Variants in TNFRSF19 observed in about 807,000 individuals in gnomAD.
TNFRSF19 encodes the protein TNF receptor superfamily member 19.
A neutral mutation model predicts 46.4 loss-of-function variants in TNFRSF19; 27 were observed. The observed-to-expected ratio is 0.58, with a 90% CI of 0.43 to 0.80. The LOEUF (loss-of-function observed/expected upper bound fraction) is 0.80. Among genes scored for constraint, TNFRSF19 ranks in the 30% least tolerant of loss-of-function variants. The probability of loss-of-function intolerance (pLI) is 0.00; values close to 1 mark genes in which losing one functional copy is unlikely to be tolerated. For missense variants in TNFRSF19, 511 were observed against 530.8 expected, an observed-to-expected ratio of 0.96 and a Z score of 0.37; for synonymous variants, 204 against 205.0, an observed-to-expected ratio of 1.00 and a Z score of 0.04.
chr13:23,602,214 A>G (rs1880208496), intron 3 of TNFRSF19, among the ~76,000 whole-genome samples: 2 of 152,306 alleles, frequency 1.3e-5, no homozygotes, highest in East Asian at 3.9e-4. Context: ...GAGCAGGAGT[A>G]GCTATATTAA....
intron 5 of TNFRSF19, among the ~76,000 whole-genome samples, chr13:23,647,553 C>T (rs1883405535): frequency 6.6e-6 from 1 of 151,984 alleles, no homozygotes; most frequent in African/African-American, 2.4e-5. Context: ...CAGGTGACAC[C>T]ACCATGCCCA....
rs1951796735 is a variant in TNFRSF19, at chr13:23,674,296, G to T, written c.*916G>T. 6.6e-6 allele frequency: 1 copy of T among 152,156 alleles called. No individual in the cohort carries two copies. The allele number at this position is 152,156 out of a possible 1,614,324, so 9.4% of individuals were successfully genotyped here. ...TACTTGCATTGTATCTTATACTAAA[G>T]GCTTTAGAAATTACAACATATCAGG... On this transcript the variant is annotated 3_prime_UTR_variant, in exon 10 of 10. Transcript: ENST00000248484.
In TNFRSF19 at chr13:23,628,767, G is replaced by GTA. The variant is rs140729064; in HGVS notation, c.445+1988_445+1989dup. On this transcript the variant is annotated intron_variant, in intron 5 of 9. Transcript: ENST00000248484. ...AGTATTTTAAAAAGAAAATTAACCA[G>GTA]TATATATATATATACATATATATGT... Among the ~76,000 whole-genome samples, 264 of 150,562 alleles carry GTA rather than the reference G, an allele frequency of 1.8e-3. No individual in the cohort carries two copies. The East Asian group carries it at 0.022, about 12-fold the overall frequency.
At chr13:23,580,126 A>G (rs916523959) in intron 1 of TNFRSF19, among the ~76,000 whole-genome samples, 3 of 152,232 alleles carry the variant, frequency 2.0e-5, no homozygotes, top group Non-Finnish European at 2.9e-5. Flanking sequence ...CAATGCGTGT[A>G]ATGCCATCTC....
intron 6 of TNFRSF19, 125 bp from the exon 7 acceptor site, chr13:23,660,240 A>G: frequency 1.0e-6 from 1 of 967,536 alleles, no homozygotes; most frequent in Non-Finnish European, 1.5e-6. Flanking sequence ...GCTTCCATGT[A>G]AGAAGAAGTC....
At chr13:23,634,896 AG>A (rs1882578037) in intron 5 of TNFRSF19, among the ~76,000 whole-genome samples, 1 of 152,010 alleles carries the variant, frequency 6.6e-6, no homozygotes, top group Non-Finnish European at 1.5e-5. Flanking sequence ...GCCACTTCCT[AG>A]GGGGTTTACT....
intron 3 of TNFRSF19, among the ~76,000 whole-genome samples, chr13:23,598,665 G>A (rs976767751): frequency 2.0e-5 from 3 of 152,192 alleles, no homozygotes; most frequent in African/African-American, 7.2e-5. Context: ...CTAAGAAACT[G>A]TGTGTTAGTG....
chr13:23,594,040 A>G (rs1057380061), intron 3 of TNFRSF19, among the ~76,000 whole-genome samples: 14 of 152,138 alleles, frequency 9.2e-5, no homozygotes, highest in South Asian at 8.3e-4. Flanking sequence ...GCCTTGAGGG[A>G]CTGTGCCATG....
At chr13:23,670,361 G>A (rs1275445148) in intron 9 of TNFRSF19, among the ~76,000 whole-genome samples, 1 of 152,128 alleles carries the variant, frequency 6.6e-6, no homozygotes, top group Non-Finnish European at 1.5e-5. Context: ...ACTTTTAGGG[G>A]ATTCTATAGA....
chr13:23,605,278 AAATCCAG>A (rs1398508683), intron 3 of TNFRSF19, among the ~76,000 whole-genome samples: 2 of 152,170 alleles, frequency 1.3e-5, no homozygotes, highest in African/African-American at 2.4e-5. Flanking sequence ...CACCTATTAG[AAATCCAG>A]AATCCAGAAT....
intron 1 of TNFRSF19, among the ~76,000 whole-genome samples, chr13:23,583,057 T>A (rs1443417674): frequency 6.6e-6 from 1 of 152,240 alleles, no homozygotes; most frequent in Non-Finnish European, 1.5e-5. Flanking sequence ...AAAGTTTACT[T>A]TCCAAAATAT....
chr13:23,667,557 A>G (rs1951663281), intron 7 of TNFRSF19, among the ~76,000 whole-genome samples: 1 of 152,202 alleles, frequency 6.6e-6, no homozygotes, highest in Non-Finnish European at 1.5e-5. Flanking sequence ...TTATTATTGT[A>G]GTGAAATACA....
intron 5 of TNFRSF19, among the ~76,000 whole-genome samples, chr13:23,644,241 T>C (rs1019950480): frequency 6.6e-6 from 1 of 152,226 alleles, no homozygotes; most frequent in African/African-American, 2.4e-5. Flanking sequence ...CAGTTTCATA[T>C]GGTTTGGCTA....
chr13:23,617,401 C>T (rs926954322), intron 4 of TNFRSF19, among the ~76,000 whole-genome samples: 1 of 152,118 alleles, frequency 6.6e-6, no homozygotes. Context: ...CTGACTGCTT[C>T]TAAGTAACTG....
chr13:23,590,218 C>A lies in TNFRSF19; in HGVS notation c.35C>A (p.Thr12Lys). 6.3e-7 allele frequency: 1 copy of A among 1,592,828 alleles called. No individual in the cohort carries two copies. Among genetic ancestry groups the A allele is most frequent in the Admixed American group, 1.8e-5 (1 of 56,844 alleles). Residue 12 changes from threonine (T) to lysine (K), a missense_variant, in exon 2 of 10, where the codon ACG becomes AAG. Physicochemically the swap from Thr to Lys is moderately conservative, Grantham distance 78. Around this residue, in one of 3 missense-constraint regions of TNFRSF19, gnomAD observed 121 missense variants for 124.1 expected, o/e 0.98. Coordinates refer to ENST00000248484, the MANE Select transcript of TNFRSF19 (RefSeq NM_148957.4). ...ALKVLLEQEKTFFTLLVLLGY... is the reference protein window; with the variant it reads ...ALKVLLEQEKKFFTLLVLLGY... ...AAAGTGCTACTAGAACAAGAGAAAACGTTTTTCACTCTTTTAGTATTACTA... is the reference window on the plus strand; with the variant it reads ...AAAGTGCTACTAGAACAAGAGAAAAAGTTTTTCACTCTTTTAGTATTACTA...
At position 23,572,461 on chromosome 13, in the gene TNFRSF19, T is replaced by C. The variant is rs574012700; in HGVS notation, c.-35+1613T>C. On this transcript the variant is annotated intron_variant, in intron 1 of 9. Transcript: ENST00000248484. ...AGATGGTGCCTAAAGAAATAGTGTG[T>C]CTGAAACTTGCTCATTTAGTTCAGA... 5.3e-5 allele frequency among the ~76,000 whole-genome samples: 8 copies of C among 152,336 alleles called. 1 individual carries two copies. Among genetic ancestry groups the C allele is most frequent in the African/African-American group, 1.9e-4 (8 of 41,588 alleles).
At chr13:23,582,626 G>A (rs9553004) in intron 1 of TNFRSF19, among the ~76,000 whole-genome samples, 13,378 of 152,168 alleles carry the variant, frequency 0.088, 622 homozygotes, top group East Asian at 0.18. Context: ...TTGACATACT[G>A]TGAAACTGCC....
chr13:23,625,486 G>C lies in TNFRSF19; in HGVS notation c.360-1221G>C, dbSNP rs1162163173. Among the ~76,000 whole-genome samples, 5 of 151,834 alleles carry C rather than the reference G, an allele frequency of 3.3e-5. No homozygotes were observed. In the East Asian group the frequency reaches 9.7e-4, roughly 29 times the overall value. On this transcript the variant is annotated intron_variant, in intron 4 of 9. Transcript: ENST00000248484. ...TGGGACTACAGGCGCCCGCCACCAC[G>C]CCCAGCTATTTTTTTGTATTTTTAG...
At chr13:23,672,765 G>A (rs1241099920) in intron 9 of TNFRSF19, among the ~76,000 whole-genome samples, 1 of 152,208 alleles carries the variant, frequency 6.6e-6, no homozygotes, top group African/African-American at 2.4e-5. Flanking sequence ...ATTGACGTCA[G>A]TGCCCTTTGT....
Sources: allele counts gnomAD v4.1 joint callset (sites outside exome capture counted in the v4.1 genomes callset), GRCh38; gene constraint gnomAD v4.1.1; regional missense constraint gnomAD v4.1.1; transcripts MANE v1.5; gene names NCBI Gene and HGNC (gene_info 2026-07-23, HGNC 2026-07-21).